ZMYND8: variants seen among roughly 807,000 people sequenced by gnomAD.
ZMYND8 encodes the protein zinc finger MYND-type containing 8.
ZMYND8 carries 37 observed loss-of-function variants against 140.8 expected under a neutral mutation model. That is an observed-to-expected ratio of 0.26 (90% CI 0.20 to 0.35). The LOEUF (loss-of-function observed/expected upper bound fraction) is 0.35, where lower values mean the gene tolerates loss of function less well. ZMYND8 is among the 10% of genes least tolerant of loss of function. The pLI, the probability that ZMYND8 is intolerant of heterozygous loss-of-function variation, is 1.00. For missense variants in ZMYND8, 1,068 were observed against 1,570.0 expected (o/e 0.68, Z 5.40); for synonymous variants, 592 against 597.1 (o/e 0.99, Z 0.12).
At chr20:47,327,414 G>A (rs2080524813) in intron 2 of ZMYND8, among the ~76,000 whole-genome samples, 1 of 152,022 alleles carries the variant, frequency 6.6e-6, no homozygotes, top group Non-Finnish European at 1.5e-5. Flanking sequence ...AGCACTTTGG[G>A]AGGCCAAGGC....
intron 13 of ZMYND8, 123 bp from the exon 14 acceptor site, chr20:47,246,640 A>G (rs1026213507): frequency 2.2e-6 from 3 of 1,344,458 alleles, no homozygotes; most frequent in Non-Finnish European, 3.0e-6. Context: ...ATCGCATCAC[A>G]TTGGCCTAAA....
At position 47,251,798 on chromosome 20, in the gene ZMYND8, G is replaced by C. The variant is rs891093423; in HGVS notation, c.1622-2359C>G. Among the ~76,000 whole-genome samples, 26 of 139,814 alleles carry C rather than the reference G, an allele frequency of 1.9e-4. 1 individual carries two copies. Among genetic ancestry groups the C allele is most frequent in the African/African-American group, 7.2e-4 (23 of 31,932 alleles). The allele number at this position is 139,814 out of a possible 152,430, so 91.7% of individuals were successfully genotyped here. A position where few individuals can be genotyped will look rare whatever the true frequency, so the allele number is the denominator to read the frequency against. On this transcript the variant is annotated intron_variant, in intron 12 of 22. Coordinates refer to ENST00000471951, the MANE Select transcript of ZMYND8 (RefSeq NM_001281775.3). ...AGGAGTGCATCTCTGCCCGGCCGCC[G>C]CACCGTCTGGGAAGTGAGGAGCGCC...
At chr20:47,297,409 A>C (rs988062219) in intron 4 of ZMYND8, among the ~76,000 whole-genome samples, 2 of 148,204 alleles carry the variant, frequency 1.3e-5, no homozygotes, top group Non-Finnish European at 3.0e-5. Context: ...TTGAGATCAA[A>C]CTCCAATGTA....
At chr20:47,280,694 A>C (rs2076552413) in intron 10 of ZMYND8, among the ~76,000 whole-genome samples, 1 of 152,168 alleles carries the variant, frequency 6.6e-6, no homozygotes, top group South Asian at 2.1e-4. Flanking sequence ...ATCTCAAATC[A>C]TCAAGATGGT....
intron 16 of ZMYND8, among the ~76,000 whole-genome samples, chr20:47,230,936 T>A (rs2038395696): frequency 6.6e-6 from 1 of 152,224 alleles, no homozygotes; most frequent in South Asian, 2.1e-4. Context: ...ATAAATGGAA[T>A]CACACAACTC....
intron 16 of ZMYND8, among the ~76,000 whole-genome samples, chr20:47,232,632 A>G (rs1340806413): frequency 1.3e-5 from 2 of 152,182 alleles, no homozygotes; most frequent in Non-Finnish European, 2.9e-5. Context: ...CCTGCAAACC[A>G]CTAATCAGAC....
chr20:47,213,025 G>C (rs188704524), intron 21 of ZMYND8, among the ~76,000 whole-genome samples: 10 of 152,292 alleles, frequency 6.6e-5, no homozygotes, highest in African/African-American at 2.4e-4. Context: ...TCAACCACTA[G>C]CTCTGCCAAT....
At chr20:47,231,426 C>T (rs969829299) in intron 16 of ZMYND8, among the ~76,000 whole-genome samples, 2 of 152,160 alleles carry the variant, frequency 1.3e-5, no homozygotes, top group Non-Finnish European at 2.9e-5. Context: ...AACTGCATGC[C>T]GCCCCGGTAG....
At chr20:47,258,892 C>T (rs576476841) in intron 12 of ZMYND8, among the ~76,000 whole-genome samples, 28 of 152,244 alleles carry the variant, frequency 1.8e-4, no homozygotes, top group South Asian at 6.2e-4. Context: ...GCCCACAAAA[C>T]GCCCACATTC....
intron 7 of ZMYND8, among the ~76,000 whole-genome samples, 198 bp from the exon 8 acceptor site, chr20:47,287,482 C>T (rs762404696): frequency 1.3e-5 from 2 of 152,134 alleles, no homozygotes; most frequent in Non-Finnish European, 2.9e-5. Flanking sequence ...GACTCTTTGG[C>T]GCCTCGATGT....
In ZMYND8 at chr20:47,221,026, C is replaced by T. The variant is rs186489223; in HGVS notation, c.3417+288G>A. Among the ~76,000 whole-genome samples the T allele has an allele frequency of 1.3e-4, 20 of 152,316 alleles. No homozygotes were observed. The East Asian group carries it at 3.5e-3, about 26-fold the overall frequency. On this transcript the variant is annotated intron_variant, in intron 20 of 22. Coordinates refer to ENST00000471951, the MANE Select transcript of ZMYND8 (RefSeq NM_001281775.3). The stretch of plus-strand genomic sequence containing the variant: ...AAAAGCTGCATGTAGCTAGCAGCTA[C>T]CATTCTGGACGGGAAGTACAGAACA...
intron 2 of ZMYND8, among the ~76,000 whole-genome samples, chr20:47,328,259 G>C (rs2080618134): frequency 6.6e-6 from 1 of 152,122 alleles, no homozygotes; most frequent in Non-Finnish European, 1.5e-5. Context: ...CCCCATTATA[G>C]GTATTGCATA....
intron 13 of ZMYND8, among the ~76,000 whole-genome samples, 169 bp from the exon 14 acceptor site, chr20:47,246,686 C>T (rs1356379817): frequency 3.3e-5 from 5 of 152,158 alleles, no homozygotes; most frequent in African/African-American, 4.8e-5. Context: ...CAACTGGCTA[C>T]GGCTGCCAAG....
intron 11 of ZMYND8, among the ~76,000 whole-genome samples, chr20:47,274,624 T>G (rs1262034804): frequency 6.6e-6 from 1 of 152,212 alleles, no homozygotes; most frequent in African/African-American, 2.4e-5. Flanking sequence ...TCTGAAACTG[T>G]GTCAACACAA....
At chr20:47,225,696 G>A (rs190842511) in intron 18 of ZMYND8, among the ~76,000 whole-genome samples, 157 of 150,516 alleles carry the variant, frequency 1.0e-3, no homozygotes, top group Non-Finnish European at 2.0e-3. Context: ...AACTACCTGT[G>A]GCCAGACAGA....
intron 12 of ZMYND8, among the ~76,000 whole-genome samples, chr20:47,261,845 G>A (rs1370478805): frequency 1.3e-5 from 2 of 152,066 alleles, no homozygotes; most frequent in Non-Finnish European, 2.9e-5. Context: ...GCAGAGGTGG[G>A]TGGATCACCT....
chr20:47,275,446 A>C (rs1205665326), intron 11 of ZMYND8, among the ~76,000 whole-genome samples: 1 of 149,980 alleles, frequency 6.7e-6, no homozygotes, highest in Non-Finnish European at 1.5e-5. Context: ...GTGAGCTGAG[A>C]TGGTGCCACT....
chr20:47,235,752 G>A (rs1328332996), intron 16 of ZMYND8, among the ~76,000 whole-genome samples: 1 of 151,776 alleles, frequency 6.6e-6, no homozygotes, highest in Non-Finnish European at 1.5e-5. Context: ...AAAAAGAAGG[G>A]GCCTGTGCTG....
intron 15 of ZMYND8, 164 bp downstream of exon 15, chr20:47,238,594 A>AT: frequency 7.4e-7 from 1 of 1,347,694 alleles, no homozygotes; most frequent in Non-Finnish European, 1.0e-6. Context: ...TAGCAAAACA[A>AT]TTTTTAAAAA....
Sources: gnomAD v4.1 joint callset for allele counts (sites outside exome capture counted in the v4.1 genomes callset) on GRCh38, gnomAD v4.1.1 for gene constraint, MANE v1.5 for transcripts, NCBI Gene and HGNC (gene_info 2026-07-23, HGNC 2026-07-21) for gene names.